Variants in ABLIM3 observed in about 807,000 individuals in gnomAD.
ABLIM3 encodes the protein actin binding LIM protein family member 3, also known as actin-binding LIM protein 3.
Under a neutral mutation model 109.5 loss-of-function variants are expected in ABLIM3, and 61 were observed. The observed-to-expected ratio is 0.56, with a 90% CI of 0.45 to 0.69. The LOEUF is 0.69. Among genes scored for constraint, ABLIM3 ranks in the 30% least tolerant of loss-of-function variants. ABLIM3 has a pLI of 0.00. For synonymous variants in ABLIM3, 300 were observed against 324.8 expected, an observed-to-expected ratio of 0.92 and a Z score of 0.82; for missense variants, 796 against 889.5, an observed-to-expected ratio of 0.89 and a Z score of 1.34.
Position 149,239,845 on chromosome 5 carries a change from G to A in ABLIM3, c.1161G>A (p.Met387Ile). 3.1e-6 allele frequency: 5 copies of A among 1,610,660 alleles called. No homozygotes were observed. The highest frequency in any genetic ancestry group is 2.7e-5 in the African/African-American group (2 of 74,872). ...CCCCCACCTACAGCCGGCAGGGCAT[G>A]TCCCCCACCTTCTCCCGCTCACCTC... ...IDSPTYSRQGMSPTFSRSPHH... is the reference protein window; with the variant it reads ...IDSPTYSRQGISPTFSRSPHH... Residue 387 changes from methionine to isoleucine, a missense_variant, in exon 13 of 24, where the codon ATG becomes ATA. Physicochemically the swap from Met to Ile is conservative, Grantham distance 10. Coordinates refer to ENST00000309868, the MANE Select transcript of ABLIM3 (RefSeq NM_014945.5).
chr5:149,161,995 C>T (rs551364960), intron 2 of ABLIM3, among the ~76,000 whole-genome samples: 1 of 152,184 alleles, frequency 6.6e-6, no homozygotes, highest in Non-Finnish European at 1.5e-5. Context: ...TGGGCACATT[C>T]CCCAATTCCC....
Position 149,259,313 on chromosome 5 carries a change from C to T in ABLIM3, c.*909C>T, listed in dbSNP as rs1754709068. On this transcript the variant is annotated 3_prime_UTR_variant, in exon 24 of 24. Transcript: ENST00000309868. ...CATGATTGCAGCTTGTATTCTTTAG[C>T]CTTATTACAATCTATGTGCCTGACA... 7.1e-7 allele frequency: 1 copy of T among 1,415,778 alleles called. No individual in the cohort carries two copies. The highest frequency in any genetic ancestry group is 9.2e-7 in the Non-Finnish European group (1 of 1,087,236). 87.7% of individuals were successfully genotyped at this position (1,415,778 alleles called of 1,614,324 possible). A position where few individuals can be genotyped will look rare whatever the true frequency, so the allele number is the denominator to read the frequency against.
At chr5:149,179,687 TTTG>T (rs944256892) in intron 2 of ABLIM3, among the ~76,000 whole-genome samples, 234 of 152,184 alleles carry the variant, frequency 1.5e-3, no homozygotes, top group African/African-American at 5.1e-3. Context: ...TTTGTTGTCT[TTTG>T]TTGTTGTTGT....
At chr5:149,251,941 T>C (rs1753966478) in intron 21 of ABLIM3, among the ~76,000 whole-genome samples, 1 of 152,192 alleles carries the variant, frequency 6.6e-6, no homozygotes, top group Admixed American at 6.5e-5. Flanking sequence ...TAATTTCTAT[T>C]CTAAATATCT....
At position 149,237,545 on chromosome 5, in the gene ABLIM3, A is replaced by T; in HGVS notation, c.986A>T (p.Tyr329Phe). The change falls in exon 11 of 24, where the codon TAT (tyrosine) becomes TTT (phenylalanine). Residue 329 changes from tyrosine to phenylalanine, a missense_variant. Physicochemically the swap from Tyr to Phe is conservative, Grantham distance 22 (BLOSUM62 3). Coordinates refer to ENST00000309868, the MANE Select transcript of ABLIM3 (RefSeq NM_014945.5). ...GTACAACGCCCCGACCTCATTTCCT[A>T]TGAGCCTCATTCCAGATACATGTCC... ...YEVQRPDLIS[Y>F]EPHSRYMSDE... is the part of the protein sequence containing the mutation. 1.2e-6 allele frequency: 2 copies of T among 1,614,172 alleles called. No homozygotes were observed. The highest frequency in any genetic ancestry group is 1.7e-6 in the Non-Finnish European group (2 of 1,180,030).
At chr5:149,216,466 G>A (rs559854248) in intron 7 of ABLIM3, 34 of 153,668 alleles carry the variant, frequency 2.2e-4, no homozygotes, top group Non-Finnish European at 4.2e-4. Context: ...CATAAGCACC[G>A]AACTGGTACT....
chr5:149,178,683 G>A (rs369926114), intron 2 of ABLIM3, among the ~76,000 whole-genome samples: 1 of 152,206 alleles, frequency 6.6e-6, no homozygotes, highest in Admixed American at 6.5e-5. Flanking sequence ...ATTTTTATAG[G>A]AGAGGAATCG....
intron 13 of ABLIM3, 103 bp downstream of exon 13, chr5:149,239,991 A>C: frequency 6.4e-4 from 891 of 1,402,738 alleles, no homozygotes; most frequent in Non-Finnish European, 7.4e-4. Context: ...CATGATCTCC[A>C]TCACAGTGTG....
intron 6 of ABLIM3, among the ~76,000 whole-genome samples, chr5:149,208,779 G>T (rs1441649788): frequency 6.6e-6 from 1 of 152,182 alleles, no homozygotes; most frequent in African/African-American, 2.4e-5. Flanking sequence ...AAGGGGAAAT[G>T]GATGCTGGCC....
At position 149,155,321 on chromosome 5, in the gene ABLIM3, C is replaced by T. The variant is rs139902267; in HGVS notation, c.13+13213C>T. ...ACTCGGGCAGTGAAACAAATCTTCA[C>T]GCTGTGAGACAGTGACATTCCATAT... On this transcript the variant is annotated intron_variant, in intron 2 of 23. Transcript: ENST00000309868. Among the ~76,000 whole-genome samples the T allele has an allele frequency of 6.8e-3, 1,033 of 152,288 alleles. 5 individuals carry two copies. Among genetic ancestry groups the T allele is most frequent in the South Asian group, 0.022 (108 of 4,818 alleles).
chr5:149,232,197 T>C (rs1761933819), intron 9 of ABLIM3, among the ~76,000 whole-genome samples: 1 of 152,152 alleles, frequency 6.6e-6, no homozygotes, highest in Non-Finnish European at 1.5e-5. Context: ...TCCCAGCTAC[T>C]TGGGAGGCTG....
At chr5:149,196,434 T>C (rs1208523780) in intron 3 of ABLIM3, among the ~76,000 whole-genome samples, 7 of 152,232 alleles carry the variant, frequency 4.6e-5, no homozygotes, top group Admixed American at 4.6e-4. Context: ...TTGAGAAAGC[T>C]GACTTGTACT....
At chr5:149,160,120 GTTT>G (rs1382833736) in intron 2 of ABLIM3, among the ~76,000 whole-genome samples, 1 of 152,156 alleles carries the variant, frequency 6.6e-6, no homozygotes, top group East Asian at 1.9e-4. Flanking sequence ...AAACAAGACT[GTTT>G]TATTCACTGG....
At chr5:149,155,573 G>A (rs182235193) in intron 2 of ABLIM3, among the ~76,000 whole-genome samples, 282 of 152,222 alleles carry the variant, frequency 1.9e-3, no homozygotes, top group African/African-American at 6.5e-3. Context: ...GGTCCTTGGG[G>A]CAGGGAACAA....
intron 19 of ABLIM3, 138 bp downstream of exon 19, chr5:149,249,982 A>G (rs778330804): frequency 3.7e-6 from 4 of 1,094,490 alleles, no homozygotes; most frequent in Non-Finnish European, 5.5e-6. Context: ...AGTCTACTCC[A>G]TTGTATTTGT....
At chr5:149,167,949 T>C (rs1435568358) in intron 2 of ABLIM3, among the ~76,000 whole-genome samples, 1 of 152,224 alleles carries the variant, frequency 6.6e-6, no homozygotes, top group Non-Finnish European at 1.5e-5. Flanking sequence ...CTGTGAATTT[T>C]AGACTAGATA....
intron 23 of ABLIM3, among the ~76,000 whole-genome samples, chr5:149,256,151 A>G (rs1271949554): frequency 6.6e-6 from 1 of 152,352 alleles, no homozygotes; most frequent in East Asian, 1.9e-4. Flanking sequence ...GCTGGCCCTT[A>G]GAGGAGAGAA....
intron 3 of ABLIM3, among the ~76,000 whole-genome samples, chr5:149,189,807 A>G (rs1174699141): frequency 6.6e-6 from 1 of 152,238 alleles, no homozygotes; most frequent in Non-Finnish European, 1.5e-5. Flanking sequence ...GCAGTTCCTC[A>G]AAAGATGAAA....
rs761981141 is a variant in ABLIM3, at chr5:149,242,473, T to C, written c.1304-18T>C. 3 of 1,613,740 alleles carry C rather than the reference T, an allele frequency of 1.9e-6. No individual in the cohort carries two copies. Among genetic ancestry groups the C allele is most frequent in the Admixed American group, 1.7e-5 (1 of 59,996 alleles). On this transcript the variant is annotated intron_variant, in intron 14 of 23. Coordinates refer to ENST00000309868, the MANE Select transcript of ABLIM3 (RefSeq NM_014945.5). Reference sequence around the variant, plus strand: ...TCTCTCTCCCCTCCCCACTGTCCCTTCCTGGTCTGTCTGGCAGCTGGAGAC... The same window carrying C: ...TCTCTCTCCCCTCCCCACTGTCCCTCCCTGGTCTGTCTGGCAGCTGGAGAC...
Sources: allele counts gnomAD v4.1 joint callset (sites outside exome capture counted in the v4.1 genomes callset), GRCh38; gene constraint gnomAD v4.1.1; transcripts MANE v1.5; gene names NCBI Gene and HGNC (gene_info 2026-07-23, HGNC 2026-07-21).